DYNC2H1: variants seen among roughly 807,000 people sequenced by gnomAD.
DYNC2H1 encodes dynein cytoplasmic 2 heavy chain 1.
A neutral mutation model predicts 570.0 loss-of-function variants in DYNC2H1; 410 were observed. That is an observed-to-expected ratio of 0.72 (90% CI 0.66 to 0.78). The LOEUF (loss-of-function observed/expected upper bound fraction) is 0.78, where lower values mean the gene tolerates loss of function less well. Among genes scored for constraint, DYNC2H1 ranks in the 30% least tolerant of loss-of-function variants. The pLI is 0.00. For synonymous variants in DYNC2H1, 1,688 were observed against 1,677.6 expected (o/e 1.01, Z -0.15); for missense variants, 4,865 against 5,046.4 (o/e 0.96, Z 1.09).
At chr11:103,214,505 T>C (rs1033273363) in intron 54 of DYNC2H1, among the ~76,000 whole-genome samples, 3 of 146,808 alleles carry the variant, frequency 2.0e-5, no homozygotes, top group African/African-American at 5.0e-5. Flanking sequence ...CATGTAATAG[T>C]GCGGTCTTGG....
rs549930068 is a variant in DYNC2H1 at position 103,289,218 on chromosome 11, C to T, written c.11095+1613C>T. Among the ~76,000 whole-genome samples the T allele has an allele frequency of 1.1e-4, 17 of 152,274 alleles. No individual in the cohort carries two copies. In the South Asian group the frequency reaches 3.3e-3, roughly 30 times the overall value. The stretch of plus-strand genomic sequence containing the variant: ...CCAAATCGTCTTTAAAAACTCTGAT[C>T]CTGAATGCTCAGGGAGGCTGATTTA... On this transcript the variant is annotated intron_variant, in intron 75 of 88. Transcript: ENST00000375735. This position sits in a 1 kb window ranked among gnomAD's most constrained non-coding sequence, Gnocchi z 4.2.
At chr11:103,131,794 A>G (rs1399959340) in intron 13 of DYNC2H1, among the ~76,000 whole-genome samples, 1 of 152,064 alleles carries the variant, frequency 6.6e-6, no homozygotes, top group Non-Finnish European at 1.5e-5. Flanking sequence ...AACTACTGTC[A>G]TTTGAATTTG....
intron 87 of DYNC2H1, among the ~76,000 whole-genome samples, chr11:103,457,920 C>CT (rs1944852417): frequency 1.3e-5 from 2 of 151,950 alleles, no homozygotes; most frequent in South Asian, 4.2e-4. Context: ...TAACACTTAG[C>CT]TTAAAACATA....
At chr11:103,407,634 T>G (rs1942915712) in intron 84 of DYNC2H1, 1 of 151,930 alleles carries the variant, frequency 6.6e-6, no homozygotes, top group South Asian at 2.1e-4. Flanking sequence ...TATAGAGTAC[T>G]GGTGAATGTA....
chr11:103,137,358 A>G (rs1368388368), intron 17 of DYNC2H1, among the ~76,000 whole-genome samples: 1 of 151,122 alleles, frequency 6.6e-6, no homozygotes, highest in Non-Finnish European at 1.5e-5. Flanking sequence ...TTATGGTTTT[A>G]GCTCTAACGT....
At chr11:103,260,247 G>T (rs1004844324) in intron 70 of DYNC2H1, among the ~76,000 whole-genome samples, 4 of 152,132 alleles carry the variant, frequency 2.6e-5, no homozygotes, top group African/African-American at 9.7e-5. Flanking sequence ...AATGACAATG[G>T]ATTATGTATC....
At chr11:103,341,788 T>C (rs1739792648) in intron 82 of DYNC2H1, among the ~76,000 whole-genome samples, 10 of 152,358 alleles carry the variant, frequency 6.6e-5, no homozygotes, top group Admixed American at 4.6e-4. Flanking sequence ...GAACGAACTT[T>C]AGAAATAATT....
Position 103,129,227 on chromosome 11 carries a change from T to C in DYNC2H1, c.1953+222T>C, listed in dbSNP as rs986448633. On this transcript the variant is annotated intron_variant, in intron 13 of 88. Coordinates refer to ENST00000375735, the MANE Select transcript of DYNC2H1 (RefSeq NM_001377.3). This position sits in a 1 kb window ranked among gnomAD's most constrained non-coding sequence, Gnocchi z 4.1. ...TTGGTACTGATTTCGATCAATTGCA[T>C]TGATATAGATAGAAAATGATTTGTA... Among the ~76,000 whole-genome samples, 6 of 152,236 alleles carry C rather than the reference T, an allele frequency of 3.9e-5. No homozygotes were observed. The highest frequency in any genetic ancestry group is 2.0e-4 in the Admixed American group (3 of 15,284).
intron 83 of DYNC2H1, among the ~76,000 whole-genome samples, chr11:103,361,432 T>C (rs1004150423): frequency 7.9e-5 from 12 of 152,222 alleles, no homozygotes; most frequent in African/African-American, 2.9e-4. Flanking sequence ...ACATTTCTGT[T>C]GTTTATAAGA....
At chr11:103,173,712 A>C (rs911456849) in intron 35 of DYNC2H1, among the ~76,000 whole-genome samples, 1 of 152,124 alleles carries the variant, frequency 6.6e-6, no homozygotes, top group African/African-American at 2.4e-5. Context: ...ATTCTCTTCC[A>C]TATCACTTAA....
At chr11:103,462,417 T>TAACA (rs1945049150) in intron 87 of DYNC2H1, among the ~76,000 whole-genome samples, 1 of 152,192 alleles carries the variant, frequency 6.6e-6, no homozygotes, top group African/African-American at 2.4e-5. Context: ...TTAGTCATGC[T>TAACA]AACATTGATT....
In DYNC2H1 at chr11:103,479,740, T is replaced by C. The variant is rs1945682641; in HGVS notation, c.*487T>C. ...TACTATGCTAATTATAATATACAAA[T>C]ATATAATTATTGTCATAATTATATA... On this transcript the variant is annotated 3_prime_UTR_variant, in exon 89 of 89. Transcript: ENST00000375735. 6.6e-6 allele frequency: 1 copy of C among 151,866 alleles called. No individual in the cohort carries two copies. Among genetic ancestry groups the C allele is most frequent in the Admixed American group, 6.6e-5 (1 of 15,226 alleles). 9.4% of individuals were successfully genotyped at this position (151,866 alleles called of 1,614,324 possible). A position where few individuals can be genotyped will look rare whatever the true frequency, so the allele number is the denominator to read the frequency against.
In DYNC2H1 at chr11:103,114,925, T is replaced by G. The variant is rs559521825; in HGVS notation, c.503-252T>G. Among the ~76,000 whole-genome samples the G allele has an allele frequency of 7.2e-5, 11 of 152,222 alleles. 2 individuals are homozygous for G. The South Asian group carries it at 2.3e-3, about 32-fold the overall frequency. ...ACTAGACAGCAATTTAGCACTTTTTTGGGGGCCATTTTAAACAGCGAATCA... is the reference window on the plus strand; with the variant it reads ...ACTAGACAGCAATTTAGCACTTTTTGGGGGGCCATTTTAAACAGCGAATCA... On this transcript the variant is annotated intron_variant, in intron 3 of 88. Transcript: ENST00000375735.
chr11:103,293,850 G>A (rs1866710768), intron 75 of DYNC2H1, among the ~76,000 whole-genome samples: 1 of 152,090 alleles, frequency 6.6e-6, no homozygotes, highest in Non-Finnish European at 1.5e-5. Context: ...GCCGAGTTGG[G>A]CGGATCACTT....
chr11:103,432,038 G>A (rs989940011), intron 84 of DYNC2H1, among the ~76,000 whole-genome samples: 1 of 152,088 alleles, frequency 6.6e-6, no homozygotes, highest in African/African-American at 2.4e-5. Flanking sequence ...GATCAGACCA[G>A]CCGCCGAGCA....
rs1017769658 is a variant in DYNC2H1, at chr11:103,394,787, A to G, written c.12157-4876A>G. 2.0e-5 allele frequency among the ~76,000 whole-genome samples: 3 copies of G among 152,206 alleles called. No homozygotes were observed. In the East Asian group the frequency reaches 5.8e-4, roughly 30 times the overall value. ...GTGCTATGGGAGGGGAGGGGATCCA[A>G]TCCCCTGAGGTATGACTATAGTTGT... On this transcript the variant is annotated intron_variant, in intron 83 of 88. Coordinates refer to ENST00000375735, the MANE Select transcript of DYNC2H1 (RefSeq NM_001377.3).
At chr11:103,301,418 G>T (rs1217583476) in intron 75 of DYNC2H1, among the ~76,000 whole-genome samples, 2 of 151,746 alleles carry the variant, frequency 1.3e-5, no homozygotes. Context: ...TATTTAATTG[G>T]CCTAGATGTT....
chr11:103,338,325 C>A (rs1049499685), intron 82 of DYNC2H1, among the ~76,000 whole-genome samples: 5 of 151,996 alleles, frequency 3.3e-5, no homozygotes, highest in Non-Finnish European at 7.4e-5. Flanking sequence ...TAGTTTTGTT[C>A]TTTTTGCTCA....
intron 4 of DYNC2H1, among the ~76,000 whole-genome samples, chr11:103,115,616 G>C (rs369847811): frequency 6.6e-6 from 1 of 152,004 alleles, no homozygotes; most frequent in Admixed American, 6.6e-5. Flanking sequence ...TGGCCAACAC[G>C]GTGAAACCTC....
Sources: gnomAD v4.1 joint callset for allele counts (sites outside exome capture counted in the v4.1 genomes callset) on GRCh38, gnomAD v4.1.1 for gene constraint, Gnocchi (gnomAD v3.1) non-coding constraint, MANE v1.5 for transcripts, NCBI Gene and HGNC (gene_info 2026-07-23, HGNC 2026-07-21) for gene names.